Variants in SAMD5 observed in about 807,000 individuals in gnomAD.
SAMD5 encodes sterile alpha motif domain-containing protein 5.
In SAMD5, 13 loss-of-function variants were observed where a neutral mutation model predicts 11.3. The ratio of observed to expected loss-of-function variants is 1.15; its 90% CI spans 0.75 to 1.83. SAMD5 has a LOEUF of 1.83. SAMD5 is among the 40% of genes most tolerant of loss of function. The pLI is 0.00. For missense variants in SAMD5, 255 were observed against 239.1 expected, an observed-to-expected ratio of 1.07 and a Z score of -0.44; for synonymous variants, 129 against 111.3, an observed-to-expected ratio of 1.16 and a Z score of -1.00.
At chr6:147,585,026 A>G (rs564554630) in intron 1 of SAMD5, among the ~76,000 whole-genome samples, 2 of 152,162 alleles carry the variant, frequency 1.3e-5, no homozygotes, top group Admixed American at 1.3e-4. Flanking sequence ...GAGCTCTTCT[A>G]TAAATTGTAC....
chr6:147,900,568 C>T, the SAMD5 span, among the ~76,000 whole-genome samples: 1 of 152,168 alleles, frequency 6.6e-6, no homozygotes, highest in Non-Finnish European at 1.5e-5. Flanking sequence ...GCTTGGTCGG[C>T]AGCTCACCTG....
chr6:147,794,359 C>A, the SAMD5 span, among the ~76,000 whole-genome samples: 7 of 152,140 alleles, frequency 4.6e-5, no homozygotes, highest in African/African-American at 1.7e-4. Flanking sequence ...TTACAAAAAG[C>A]CTTATGCAGG....
chr6:147,643,899 C>T (rs1490128244), intron 1 of SAMD5, among the ~76,000 whole-genome samples: 1 of 139,354 alleles, frequency 7.2e-6, no homozygotes, highest in African/African-American at 2.7e-5. Context: ...ATGATAAGTT[C>T]CTAATACATG....
chr6:147,539,214 A>C (rs574964860), intron 1 of SAMD5, among the ~76,000 whole-genome samples: 26 of 152,300 alleles, frequency 1.7e-4, no homozygotes, highest in African/African-American at 5.5e-4. Context: ...AGTGCGGTGC[A>C]GCTACTCTGC....
chr6:147,558,531 C>T (rs955355039), intron 1 of SAMD5, among the ~76,000 whole-genome samples: 1 of 152,102 alleles, frequency 6.6e-6, no homozygotes, highest in African/African-American at 2.4e-5. Flanking sequence ...CCAATCTAAA[C>T]CTGCCCTCCT....
chr6:147,541,410 T>TA (rs2128442061), intron 1 of SAMD5, among the ~76,000 whole-genome samples: 1 of 152,282 alleles, frequency 6.6e-6, no homozygotes, highest in East Asian at 1.9e-4. Flanking sequence ...ATTAGTCACC[T>TA]TGTTCGGCAC....
intron 1 of SAMD5, among the ~76,000 whole-genome samples, chr6:147,638,877 A>G (rs1342546067): frequency 6.6e-6 from 1 of 152,214 alleles, no homozygotes. Flanking sequence ...ATTTAACAAT[A>G]CATTTCTTTA....
chr6:147,691,422 T>C (rs61590880), intron 1 of SAMD5, among the ~76,000 whole-genome samples: 2,651 of 152,316 alleles, frequency 0.017, 81 homozygotes, highest in African/African-American at 0.061. Flanking sequence ...TTCTCCAAAT[T>C]ATAGATATAT....
At chr6:147,873,288 A>T in the SAMD5 span, among the ~76,000 whole-genome samples, 1 of 151,966 alleles carries the variant, frequency 6.6e-6, no homozygotes, top group South Asian at 2.1e-4. Flanking sequence ...GAGGCAGGAG[A>T]ATCGCTTGAA....
intron 1 of SAMD5, among the ~76,000 whole-genome samples, chr6:147,668,571 T>TG (rs1790753917): frequency 6.6e-6 from 1 of 152,198 alleles, no homozygotes; most frequent in African/African-American, 2.4e-5. Flanking sequence ...TGGCTGGGCG[T>TG]GGTGGCTCAC....
At chr6:147,541,942 G>T (rs1380907346) in intron 1 of SAMD5, among the ~76,000 whole-genome samples, 1 of 151,994 alleles carries the variant, frequency 6.6e-6, no homozygotes, top group Non-Finnish European at 1.5e-5. Flanking sequence ...GCTACAAAGA[G>T]ACACCCTGCA....
intron 1 of SAMD5, among the ~76,000 whole-genome samples, chr6:147,580,303 A>G (rs1216713035): frequency 6.6e-6 from 1 of 152,222 alleles, no homozygotes; most frequent in Non-Finnish European, 1.5e-5. Context: ...CCACCAGGTC[A>G]GGGACAACCT....
intron 1 of SAMD5, among the ~76,000 whole-genome samples, chr6:147,713,582 G>C (rs1267449240): frequency 1.3e-5 from 2 of 152,176 alleles, no homozygotes; most frequent in Non-Finnish European, 2.9e-5. Context: ...TGCATAAGCT[G>C]TAGGAGCAGG....
the SAMD5 span, among the ~76,000 whole-genome samples, chr6:147,827,722 C>T: frequency 6.6e-6 from 1 of 152,184 alleles, no homozygotes; most frequent in Non-Finnish European, 1.5e-5. Context: ...GAAGAAAATG[C>T]TTCCCGAATA....
At chr6:147,858,226 C>T in the SAMD5 span, among the ~76,000 whole-genome samples, 12 of 152,152 alleles carry the variant, frequency 7.9e-5, no homozygotes, top group Non-Finnish European at 8.8e-5. Flanking sequence ...CTGTTGCCTG[C>T]GCATATTGCC....
intron 1 of SAMD5, among the ~76,000 whole-genome samples, chr6:147,656,899 C>CGTGTGTGT (rs55906300): frequency 0.053 from 7,949 of 149,098 alleles, 248 homozygotes; most frequent in Middle Eastern, 0.058. Context: ...ATACAGTATA[C>CGTGTGTGT]GTGTGTGTGT....
intron 1 of SAMD5, among the ~76,000 whole-genome samples, chr6:147,550,787 T>C (rs1389188959): frequency 6.6e-6 from 1 of 152,030 alleles, no homozygotes; most frequent in East Asian, 1.9e-4. Context: ...GGATGAGAAA[T>C]TACTTAATGG....
At chr6:147,762,774 A>G in the SAMD5 span, among the ~76,000 whole-genome samples, 1 of 152,118 alleles carries the variant, frequency 6.6e-6, no homozygotes, top group African/African-American at 2.4e-5. Context: ...CTCTACTCCC[A>G]TATCAGTCAA....
chr6:147,572,744 C>T (rs1314210073), downstream of SAMD5, among the ~76,000 whole-genome samples: 1 of 152,178 alleles, frequency 6.6e-6, no homozygotes, highest in Non-Finnish European at 1.5e-5. Context: ...TACTTAATCA[C>T]ATACATGTTA....
Sources: gnomAD v4.1 joint callset for allele counts (sites outside exome capture counted in the v4.1 genomes callset) on GRCh38, gnomAD v4.1.1 for gene constraint, MANE v1.5 for transcripts, NCBI Gene and HGNC (gene_info 2026-07-23, HGNC 2026-07-21) for gene names.